PCDHGA8: variants seen among roughly 807,000 people sequenced by gnomAD.
PCDHGA8 encodes the protein protocadherin gamma subfamily A, 8.
In PCDHGA8, 45 loss-of-function variants were observed where a neutral mutation model predicts 59.2. The observed-to-expected ratio is 0.76, with a 90% CI of 0.60 to 0.98. The LOEUF (loss-of-function observed/expected upper bound fraction) is 0.98. Ranked by LOEUF, PCDHGA8 falls within the 50% of genes least tolerant of loss-of-function variation. The pLI is 0.00. For synonymous variants in PCDHGA8, 531 were observed against 519.0 expected, an observed-to-expected ratio of 1.02 and a Z score of -0.32; for missense variants, 1,257 against 1,196.2, an observed-to-expected ratio of 1.05 and a Z score of -0.75.
chr5:141,395,129 G>C lies in PCDHGA8; in HGVS notation c.2316G>C (p.Gln772His), dbSNP rs2093179899. The C allele has an allele frequency of 6.2e-7, 1 of 1,614,182 alleles. No homozygotes were observed. Among genetic ancestry groups the C allele is most frequent in the African/African-American group, 1.3e-5 (1 of 75,036 alleles). Residue 772 changes from glutamine to histidine, a missense_variant, in exon 1 of 4, where the codon CAG becomes CAC. Gln to His is a conservative substitution (Grantham distance 24). Transcript: ENST00000398604. ...GGAAGAGTCACCTGATCTTTCCCCA[G>C]CCCAACTACGCAGACATGCTCATCA... ...DSRKSHLIFPQPNYADMLISQ... is the reference protein window; with the variant it reads ...DSRKSHLIFPHPNYADMLISQ...
chr5:141,486,287 A>G lies in PCDHGA8; in HGVS notation c.2425-8520A>G, dbSNP rs1484787777. Reference sequence around the variant, plus strand: ...AGAACCTGGCACTGTGGTGGCACTTATCAGTGTGCAGGATCCAGACTCAGG... The same window carrying G: ...AGAACCTGGCACTGTGGTGGCACTTGTCAGTGTGCAGGATCCAGACTCAGG... On this transcript the variant is annotated intron_variant, in intron 1 of 3. Transcript: ENST00000398604. The surrounding 1 kb of genome is among the most constrained non-coding windows in gnomAD (Gnocchi z 5.0). 1 of 1,613,912 alleles carries G rather than the reference A, an allele frequency of 6.2e-7. No homozygotes were observed. The highest frequency in any genetic ancestry group is 8.5e-7 in the Non-Finnish European group (1 of 1,179,970).
chr5:141,509,224 T>G (rs1241668369), intron 3 of PCDHGA8, among the ~76,000 whole-genome samples: 3 of 152,176 alleles, frequency 2.0e-5, no homozygotes, highest in Non-Finnish European at 2.9e-5. Flanking sequence ...AATCCCTGGT[T>G]GATGTCCCAG....
chr5:141,420,910 G>T, intron 1 of PCDHGA8: 1 of 311,900 alleles, frequency 3.2e-6, no homozygotes, highest in South Asian at 7.0e-5. Context: ...ACAAATACGT[G>T]TGATTCACAA....
chr5:141,449,774 A>G (rs541830970), intron 1 of PCDHGA8, among the ~76,000 whole-genome samples: 2 of 151,714 alleles, frequency 1.3e-5, no homozygotes, highest in African/African-American at 4.8e-5. Flanking sequence ...AAGTTGTAGA[A>G]ATTATGTTTC....
intron 1 of PCDHGA8, chr5:141,399,207 A>T (rs771939823): frequency 1.2e-6 from 2 of 1,613,992 alleles, no homozygotes; most frequent in South Asian, 2.2e-5. Flanking sequence ...TGCCTGGAAC[A>T]CTAATTGCTT....
chr5:141,413,134 G>A, intron 1 of PCDHGA8: 1 of 1,543,438 alleles, frequency 6.5e-7, no homozygotes, highest in South Asian at 1.3e-5. Flanking sequence ...AACACACAAC[G>A]TGTCCAGTGA....
chr5:141,399,419 G>A, intron 1 of PCDHGA8: 1 of 1,614,000 alleles, frequency 6.2e-7, no homozygotes, highest in East Asian at 2.2e-5. Flanking sequence ...CTCTCCTCCA[G>A]CATAAGCGTC....
In PCDHGA8 at chr5:141,491,907, G is replaced by A; in HGVS notation, c.2425-2900G>A. 5 of 1,408,726 alleles carry A rather than the reference G, an allele frequency of 3.5e-6. No homozygotes were observed. In the South Asian group the frequency reaches 7.5e-5, roughly 21 times the overall value. The allele number at this position is 1,408,726 out of a possible 1,614,324, so 87.3% of individuals were successfully genotyped here. A position where few individuals can be genotyped will look rare whatever the true frequency, so the allele number is the denominator to read the frequency against. ...TGGGGCTCCGAGCACCGGGGGTGGTGGCGACTGTGGGCGAGGGGAGGTGGG... is the reference window on the plus strand; with the variant it reads ...TGGGGCTCCGAGCACCGGGGGTGGTAGCGACTGTGGGCGAGGGGAGGTGGG... On this transcript the variant is annotated intron_variant, in intron 1 of 3. Coordinates refer to ENST00000398604, the MANE Select transcript of PCDHGA8 (RefSeq NM_032088.2). This position sits in a 1 kb window ranked among gnomAD's most constrained non-coding sequence, Gnocchi z 6.9.
intron 1 of PCDHGA8, among the ~76,000 whole-genome samples, chr5:141,482,089 CA>C (rs36035257): frequency 0.43 from 58,297 of 134,322 alleles, 12,050 homozygotes; most frequent in African/African-American, 0.53. Context: ...CACTCCATCT[CA>C]AAAAAAAAAA....
chr5:141,409,961 C>G (rs538942740), intron 1 of PCDHGA8: 26 of 1,613,442 alleles, frequency 1.6e-5, no homozygotes, highest in Admixed American at 8.3e-5. Context: ...GCCCGGCTAC[C>G]TAGTGACTAA....
intron 1 of PCDHGA8, chr5:141,418,882 C>G: frequency 1.2e-6 from 2 of 1,613,960 alleles, no homozygotes; most frequent in Non-Finnish European, 1.7e-6. Flanking sequence ...TAGACGAAAA[C>G]GACAACAGCC....
At chr5:141,398,683 C>T (rs910361681) in intron 1 of PCDHGA8, 1 of 1,613,796 alleles carries the variant, frequency 6.2e-7, no homozygotes, top group African/African-American at 1.3e-5. Flanking sequence ...TAAGGAGAAA[C>T]AGGATGGTAG....
chr5:141,491,896 C>A lies in PCDHGA8; in HGVS notation c.2425-2911C>A. ...CGATTAAGGGATGGGGCTCCGAGCA[C>A]CGGGGGTGGTGGCGACTGTGGGCGA... On this transcript the variant is annotated intron_variant, in intron 1 of 3. Coordinates refer to ENST00000398604, the MANE Select transcript of PCDHGA8 (RefSeq NM_032088.2). This position sits in a 1 kb window ranked among gnomAD's most constrained non-coding sequence, Gnocchi z 6.9. 1 of 1,434,504 alleles carries A rather than the reference C, an allele frequency of 7.0e-7. No homozygotes were observed. Among genetic ancestry groups the A allele is most frequent in the Non-Finnish European group, 9.2e-7 (1 of 1,084,690 alleles). The allele number at this position is 1,434,504 out of a possible 1,614,324, so 88.9% of individuals were successfully genotyped here.
Position 141,403,639 on chromosome 5 carries a change from T to C in PCDHGA8, c.2424+8402T>C, listed in dbSNP as rs377402370. On this transcript the variant is annotated intron_variant, in intron 1 of 3. Coordinates refer to ENST00000398604, the MANE Select transcript of PCDHGA8 (RefSeq NM_032088.2). ...GTCGCTCCAGCACAGTGCGCATCCA[T>C]GTGACAGTGTTGGATACAAATGATA... 1.4e-4 allele frequency: 219 copies of C among 1,613,892 alleles called. 1 individual carries two copies. The East Asian group carries it at 4.5e-3, about 33-fold the overall frequency.
chr5:141,487,293 C>T lies in PCDHGA8; in HGVS notation c.2425-7514C>T. ...GCAATTTGCTTTGTCTCCTTTGGCT[C>T]ATTCGTGGCACTACTCTCTAAGTGT... is the stretch of plus-strand genomic sequence containing the variant. On this transcript the variant is annotated intron_variant, in intron 1 of 3. Transcript: ENST00000398604. The surrounding 1 kb of genome is among the most constrained non-coding windows in gnomAD (Gnocchi z 5.0). 1 of 1,614,148 alleles carries T rather than the reference C, an allele frequency of 6.2e-7. No individual in the cohort carries two copies. Among genetic ancestry groups the T allele is most frequent in the Non-Finnish European group, 8.5e-7 (1 of 1,180,010 alleles).
intron 2 of PCDHGA8, among the ~76,000 whole-genome samples, chr5:141,498,114 G>C (rs1336064850): frequency 6.6e-6 from 1 of 152,196 alleles, no homozygotes; most frequent in East Asian, 1.9e-4. Flanking sequence ...CGTATAATAG[G>C]GATTTGATTT....
At chr5:141,410,281 G>A (rs368378842) in intron 1 of PCDHGA8, 33 of 1,613,938 alleles carry the variant, frequency 2.0e-5, no homozygotes, top group Non-Finnish European at 2.0e-5. Context: ...TTTACCTGGT[G>A]GTGGCCTTGG....
chr5:141,510,916 G>C (rs1044988697), intron 3 of PCDHGA8, 31 bp from the exon 4 acceptor site: 2 of 1,613,714 alleles, frequency 1.2e-6, no homozygotes, highest in African/African-American at 1.3e-5. Flanking sequence ...CCTAAGTTTA[G>C]CTCCCACCTG....
intron 2 of PCDHGA8, among the ~76,000 whole-genome samples, chr5:141,498,024 A>G (rs1455238086): frequency 6.6e-6 from 1 of 152,200 alleles, no homozygotes; most frequent in East Asian, 1.9e-4. Flanking sequence ...GGAGACAAAT[A>G]TTGACCAAAT....
Sources: gnomAD v4.1 joint callset for allele counts (sites outside exome capture counted in the v4.1 genomes callset) on GRCh38, gnomAD v4.1.1 for gene constraint, Gnocchi (gnomAD v3.1) non-coding constraint, MANE v1.5 for transcripts, NCBI Gene and HGNC (gene_info 2026-07-23, HGNC 2026-07-21) for gene names.